RBFOX1: variants seen among roughly 807,000 people sequenced by gnomAD.
RBFOX1 encodes the protein RNA binding fox-1 homolog 1.
A neutral mutation model predicts 57.7 loss-of-function variants in RBFOX1; 8 were observed. The ratio of observed to expected loss-of-function variants is 0.14; its 90% CI spans 0.08 to 0.25. The LOEUF (loss-of-function observed/expected upper bound fraction) is 0.25. RBFOX1 is among the 10% of genes least tolerant of loss of function. The pLI, the probability that RBFOX1 is intolerant of heterozygous loss-of-function variation, is 1.00. For missense variants in RBFOX1, 611 were observed against 548.5 expected (o/e 1.11, Z -1.14); for synonymous variants, 326 against 222.4 (o/e 1.47, Z -4.15).
intron 3 of RBFOX1, among the ~76,000 whole-genome samples, chr16:7,000,905 A>T (rs931016074): frequency 1.3e-5 from 2 of 152,166 alleles, no homozygotes; most frequent in African/African-American, 4.8e-5. Flanking sequence ...CCTGGGAAAC[A>T]CATAATAAAT....
chr16:5,769,487 CAAA>C (rs113487749), intron 3 of RBFOX1, among the ~76,000 whole-genome samples: 23 of 121,578 alleles, frequency 1.9e-4, no homozygotes, highest in African/African-American at 6.2e-4. Context: ...CTAAAAAATA[CAAA>C]AAAAAAAAAA....
At chr16:5,305,011 G>C (rs962854390) in intron 1 of RBFOX1, among the ~76,000 whole-genome samples, 2 of 152,158 alleles carry the variant, frequency 1.3e-5, no homozygotes, top group African/African-American at 4.8e-5. Context: ...CCTTGGGGGA[G>C]TCTTGCCTTT....
chr16:6,158,860 T>G (rs558015019), intron 1 of RBFOX1, among the ~76,000 whole-genome samples: 2 of 152,022 alleles, frequency 1.3e-5, no homozygotes, highest in African/African-American at 4.8e-5. Context: ...AAAAGTGAAG[T>G]TGGTTTTCTA....
intron 3 of RBFOX1, among the ~76,000 whole-genome samples, chr16:5,803,416 A>C (rs2055122154): frequency 6.6e-6 from 1 of 152,188 alleles, no homozygotes; most frequent in Admixed American, 6.5e-5. Flanking sequence ...CAGTTCCCAC[A>C]CTGACCAGAT....
chr16:6,047,921 G>T (rs1249151519), intron 1 of RBFOX1, among the ~76,000 whole-genome samples: 1 of 152,158 alleles, frequency 6.6e-6, no homozygotes, highest in Non-Finnish European at 1.5e-5. Context: ...TGGACTCTAG[G>T]ATTGGAACTC....
At chr16:5,406,980 C>T (rs1227917780) in intron 1 of RBFOX1, among the ~76,000 whole-genome samples, 1 of 152,136 alleles carries the variant, frequency 6.6e-6, no homozygotes, top group African/African-American at 2.4e-5. Flanking sequence ...TGTATTAGTC[C>T]ACTTTCACAC....
At chr16:6,767,935 T>TAAGAAGAAGAAGAAG (rs1423679473) in intron 3 of RBFOX1, among the ~76,000 whole-genome samples, 32 of 93,224 alleles carry the variant, frequency 3.4e-4, no homozygotes, top group East Asian at 1.3e-3. Flanking sequence ...ATAATAATAA[T>TAAGAAGAAGAAGAAG]AATAATAATA....
chr16:6,471,495 T>G (rs755784631), intron 2 of RBFOX1, among the ~76,000 whole-genome samples: 2 of 151,936 alleles, frequency 1.3e-5, no homozygotes, highest in Non-Finnish European at 2.9e-5. Flanking sequence ...TGGGCATTCA[T>G]GTAAGTAATG....
chr16:5,474,523 G>T (rs907473876), intron 2 of RBFOX1, among the ~76,000 whole-genome samples: 35 of 152,090 alleles, frequency 2.3e-4, no homozygotes, highest in Admixed American at 2.3e-3. Flanking sequence ...GTGTGGTGGT[G>T]GGCACCTGTA....
chr16:7,164,159 CTTACG>C (rs2078961532), intron 4 of RBFOX1, among the ~76,000 whole-genome samples: 1 of 152,234 alleles, frequency 6.6e-6, no homozygotes, highest in East Asian at 1.9e-4. Flanking sequence ...CTGTATCATT[CTTACG>C]TCTTTGCGTC....
rs192582074 is a variant in RBFOX1, at chr16:6,741,617, C to T, written c.-16+86967C>T. On this transcript the variant is annotated intron_variant, in intron 3 of 15. Transcript: ENST00000550418. The stretch of plus-strand genomic sequence containing the variant: ...TGCGGAGGTGGAGGTTGCGGTGAGC[C>T]GAGATCATGCCACTGCACTCCAGCC... 5.5e-3 allele frequency among the ~76,000 whole-genome samples: 828 copies of T among 150,104 alleles called. 9 individuals are homozygous for T. The highest frequency in any genetic ancestry group is 0.019 in the African/African-American group (764 of 40,746).
At chr16:7,577,633 C>A (rs549054662) in intron 5 of RBFOX1, among the ~76,000 whole-genome samples, 1 of 152,250 alleles carries the variant, frequency 6.6e-6, no homozygotes, top group Non-Finnish European at 1.5e-5. Context: ...GATGGTGGCT[C>A]ACGCCTGTAG....
At chr16:7,617,226 A>G (rs3785235) in intron 10 of RBFOX1, among the ~76,000 whole-genome samples, 83,880 of 152,034 alleles carry the variant, frequency 0.55, 24,739 homozygotes, top group East Asian at 0.83. Context: ...AATCCCTATG[A>G]TCCCTGTTTC....
Position 5,450,790 on chromosome 16 carries a change from G to A in RBFOX1, c.220-16426G>A, listed in dbSNP as rs369576207. Among the ~76,000 whole-genome samples the A allele has an allele frequency of 4.6e-5, 7 of 152,152 alleles. No individual in the cohort carries two copies. The East Asian group carries it at 7.7e-4, about 17-fold the overall frequency. On this transcript the variant is annotated intron_variant, in intron 1 of 2. Coordinates refer to the RBFOX1 transcript ENST00000585867. ...CCCCCTTGTGACTTTGGGTAGCCTC[G>A]TCTGGGACCGCAGGGATTCAGAGCT...
intron 1 of RBFOX1, among the ~76,000 whole-genome samples, chr16:5,437,764 A>C (rs115573654): frequency 5.3e-5 from 8 of 152,330 alleles, no homozygotes; most frequent in Admixed American, 5.2e-4. Flanking sequence ...GCTCTGAGCA[A>C]TTATTCCGTT....
intron 3 of RBFOX1, among the ~76,000 whole-genome samples, chr16:6,876,881 C>T (rs569002539): frequency 6.6e-6 from 1 of 152,098 alleles, no homozygotes; most frequent in South Asian, 2.1e-4. Flanking sequence ...AGTGTAAATG[C>T]AAAAGTGCTT....
chr16:7,692,017 TA>T, intron 14 of RBFOX1, among the ~76,000 whole-genome samples: 1 of 152,238 alleles, frequency 6.6e-6, no homozygotes, highest in East Asian at 1.9e-4. Context: ...CAAAGGTGAG[TA>T]AGTCAAATAT....
At chr16:5,991,892 G>A (rs922017496) in intron 4 of RBFOX1, among the ~76,000 whole-genome samples, 1 of 152,056 alleles carries the variant, frequency 6.6e-6, no homozygotes. Flanking sequence ...GCAATGGAAG[G>A]CATTTAAAAG....
intron 2 of RBFOX1, among the ~76,000 whole-genome samples, chr16:6,411,465 G>T (rs2093456639): frequency 6.6e-6 from 1 of 152,150 alleles, no homozygotes; most frequent in Non-Finnish European, 1.5e-5. Context: ...TAGGTCTGGT[G>T]ATAATTTCTG....
Sources: gnomAD v4.1 joint callset for allele counts (sites outside exome capture counted in the v4.1 genomes callset) on GRCh38, gnomAD v4.1.1 for gene constraint, MANE v1.5 for transcripts, NCBI Gene and HGNC (gene_info 2026-07-23, HGNC 2026-07-21) for gene names.